CCDC83: variants seen among roughly 807,000 people sequenced by gnomAD.
The protein encoded by CCDC83 is coiled-coil domain containing 83, also known as coiled-coil domain-containing protein 83.
CCDC83 carries 54 observed loss-of-function variants against 50.1 expected under a neutral mutation model. The observed-to-expected ratio is 1.08, with a 90% confidence interval of 0.87 to 1.35. CCDC83 has a LOEUF of 1.35. Among genes scored for constraint, CCDC83 ranks in the 40% most tolerant of loss-of-function variants. The pLI, the probability that CCDC83 is intolerant of heterozygous loss-of-function variation, is 0.00. For synonymous variants in CCDC83, 161 were observed against 153.3 expected, an observed-to-expected ratio of 1.05 and a Z score of -0.37; for missense variants, 518 against 473.9, an observed-to-expected ratio of 1.09 and a Z score of -0.86.
intron 2 of CCDC83, among the ~76,000 whole-genome samples, chr11:85,867,005 TA>T (rs1214547032): frequency 2.0e-5 from 3 of 152,242 alleles, no homozygotes; most frequent in Non-Finnish European, 4.4e-5. Context: ...TAGAGGAGTA[TA>T]AAGTTGAAGA....
At chr11:85,912,875 A>G in intron 8 of CCDC83, 1 of 661,594 alleles carries the variant, frequency 1.5e-6, no homozygotes, top group East Asian at 2.5e-5. Flanking sequence ...TCAGTCTGGT[A>G]TATTTGATTT....
chr11:85,917,276 AAAGAAGGAAG>A (rs1219396269), intron 10 of CCDC83, among the ~76,000 whole-genome samples: 1 of 76,644 alleles, frequency 1.3e-5, no homozygotes, highest in Non-Finnish European at 3.2e-5. Flanking sequence ...GGAAGGAAGG[AAAGAAGGAAG>A]GAAAGAAAGA....
At chr11:85,865,326 A>G (rs1440668271) in intron 2 of CCDC83, 108 bp downstream of exon 2, 10 of 728,778 alleles carry the variant, frequency 1.4e-5, no homozygotes, top group Non-Finnish European at 2.1e-5. Flanking sequence ...TGCCAAAAGA[A>G]TAGAGGTGGG....
chr11:85,895,293 A>T lies in CCDC83; in HGVS notation c.512A>T (p.Glu171Val), dbSNP rs756133593. The T allele has an allele frequency of 9.8e-6, 10 of 1,015,700 alleles. No individual in the cohort carries two copies. The highest frequency in any genetic ancestry group is 1.4e-5 in the Non-Finnish European group (10 of 696,764). The allele number at this position is 1,015,700 out of a possible 1,614,324, so 62.9% of individuals were successfully genotyped here. A position where few individuals can be genotyped will look rare whatever the true frequency, so the allele number is the denominator to read the frequency against. ...TVKENAEKMS[E>V]HYKITLEDTR... ...TTTTTTTTTTTTTTTTTTTTTAAAGAACACTATAAAATCACTCTGGAAGAT... is the reference window on the plus strand; with the variant it reads ...TTTTTTTTTTTTTTTTTTTTTAAAGTACACTATAAAATCACTCTGGAAGAT... The change falls in exon 6 of 11, where the codon GAA (glutamate) becomes GTA (valine). Residue 171 changes from glutamate (E) to valine (V), a missense_variant and splice_region_variant. Transcript: ENST00000342404.
chr11:85,877,935 A>G (rs939583947), intron 3 of CCDC83, among the ~76,000 whole-genome samples: 4 of 152,234 alleles, frequency 2.6e-5, no homozygotes, highest in South Asian at 4.1e-4. Flanking sequence ...TCAAGTTTCT[A>G]TAAATATTTC....
chr11:85,904,062 T>C (rs2093414367), intron 7 of CCDC83, among the ~76,000 whole-genome samples: 1 of 152,092 alleles, frequency 6.6e-6, no homozygotes, highest in Non-Finnish European at 1.5e-5. Flanking sequence ...AAACCTGGTC[T>C]TGTCAATCTT....
intron 4 of CCDC83, among the ~76,000 whole-genome samples, chr11:85,884,729 C>T (rs2093318291): frequency 1.3e-5 from 2 of 152,160 alleles, no homozygotes; most frequent in Admixed American, 6.6e-5. Flanking sequence ...AGAAAAACAG[C>T]CACTACATCC....
At chr11:85,876,780 CA>C (rs1202014401) in intron 3 of CCDC83, among the ~76,000 whole-genome samples, 23 of 152,342 alleles carry the variant, frequency 1.5e-4, no homozygotes, top group African/African-American at 4.6e-4. Context: ...GTTGGGATTA[CA>C]GGGGTGAGCC....
chr11:85,917,192 G>GAAAGAAAGAAAGAA (rs368407830), intron 10 of CCDC83, among the ~76,000 whole-genome samples: 69 of 79,712 alleles, frequency 8.7e-4, no homozygotes, highest in African/African-American at 3.3e-3. Flanking sequence ...AAGAAAGAAA[G>GAAAGAAAGAAAGAA]AGAAAGAAAG....
intron 7 of CCDC83, among the ~76,000 whole-genome samples, chr11:85,905,948 G>A (rs185962463): frequency 0.025 from 2,758 of 112,158 alleles, 34 homozygotes; most frequent in Middle Eastern, 0.11. Context: ...CAGCCTGGGC[G>A]ACAAGAGCAT....
intron 5 of CCDC83, among the ~76,000 whole-genome samples, chr11:85,893,658 A>G (rs2093359842): frequency 6.6e-6 from 1 of 152,176 alleles, no homozygotes; most frequent in South Asian, 2.1e-4. Context: ...CACTTGCATT[A>G]CCGTCTGAGC....
At chr11:85,883,197 C>T (rs745751145) in intron 4 of CCDC83, among the ~76,000 whole-genome samples, 6 of 152,154 alleles carry the variant, frequency 3.9e-5, no homozygotes, top group African/African-American at 7.2e-5. Context: ...GGATTACAGG[C>T]GTGAGCCACC....
rs116472053 is a variant in CCDC83, at chr11:85,861,907, G to A, written c.-28-3189G>A. Among the ~76,000 whole-genome samples, 1,510 of 151,166 alleles carry A rather than the reference G, an allele frequency of 1.0e-2. 15 individuals are homozygous for A. The highest frequency in any genetic ancestry group is 0.033 in the African/African-American group (1,365 of 41,088). On this transcript the variant is annotated intron_variant, in intron 1 of 10. Transcript: ENST00000342404. ...GCCTGTAATCCCAGCTACTCTGGAG[G>A]TGATGTGGGAGGATGACTTGCACCT... is the stretch of plus-strand genomic sequence containing the variant.
At position 85,919,653 on chromosome 11, in the gene CCDC83, C is replaced by A; in HGVS notation, c.*143C>A. 1.5e-6 allele frequency: 1 copy of A among 657,170 alleles called. No homozygotes were observed. The highest frequency in any genetic ancestry group is 2.6e-6 in the Non-Finnish European group (1 of 385,656). 40.7% of individuals were successfully genotyped at this position (657,170 alleles called of 1,614,324 possible). On this transcript the variant is annotated 3_prime_UTR_variant, in exon 11 of 11. Coordinates refer to ENST00000342404, the MANE Select transcript of CCDC83 (RefSeq NM_001286159.2). ...TAAAGGTCATATTTACATTTAAAATCAAAGGTATTCAGCTATTCATTTACT... is the reference window on the plus strand; with the variant it reads ...TAAAGGTCATATTTACATTTAAAATAAAAGGTATTCAGCTATTCATTTACT...
intron 1 of CCDC83, among the ~76,000 whole-genome samples, chr11:85,863,344 A>G (rs1255709258): frequency 6.6e-6 from 1 of 152,226 alleles, no homozygotes; most frequent in East Asian, 1.9e-4. Flanking sequence ...CTTAGCTGAT[A>G]ATTTTCTGTG....
intron 7 of CCDC83, among the ~76,000 whole-genome samples, chr11:85,900,036 T>C: frequency 6.6e-6 from 1 of 152,156 alleles, no homozygotes; most frequent in East Asian, 1.9e-4. Context: ...GAGTATGTTG[T>C]TGGATGAAAC....
At chr11:85,919,233 A>G in intron 10 of CCDC83, 116 bp from the exon 11 acceptor site, 1 of 903,868 alleles carries the variant, frequency 1.1e-6, no homozygotes. Context: ...TCAGGCAATT[A>G]GGGGGCAATG....
intron 1 of CCDC83, 68 bp from the exon 2 acceptor site, chr11:85,865,028 C>G: frequency 2.6e-6 from 2 of 773,728 alleles, no homozygotes; most frequent in Non-Finnish European, 4.5e-6. Context: ...GGTACCTTAT[C>G]TAGAGTAAAC....
chr11:85,881,312 G>T (rs1195140825), intron 3 of CCDC83, among the ~76,000 whole-genome samples: 4 of 151,878 alleles, frequency 2.6e-5, no homozygotes, highest in Non-Finnish European at 4.4e-5. Flanking sequence ...AGTGGAGGTT[G>T]CAGTGAGCCA....
Sources: allele counts gnomAD v4.1 joint callset (sites outside exome capture counted in the v4.1 genomes callset), GRCh38; gene constraint gnomAD v4.1.1; transcripts MANE v1.5; gene names NCBI Gene and HGNC (gene_info 2026-07-23, HGNC 2026-07-21).